ANK2: variants seen among roughly 807,000 people sequenced by gnomAD.
ANK2 encodes ankyrin-2.
Under a neutral mutation model 360.5 loss-of-function variants are expected in ANK2, and 83 were observed. That is an observed-to-expected ratio of 0.23 (90% confidence interval 0.19 to 0.28). The LOEUF (loss-of-function observed/expected upper bound fraction) is 0.28. Ranked by LOEUF, ANK2 falls within the 10% of genes least tolerant of loss-of-function variation. The probability of loss-of-function intolerance (pLI) is 1.00; values close to 1 mark genes in which losing one functional copy is unlikely to be tolerated. For missense variants in ANK2, 4,201 were observed against 4,795.7 expected (o/e 0.88, Z 3.66); for synonymous variants, 1,740 against 1,759.5 (o/e 0.99, Z 0.28).
chr4:112,990,928 C>T (rs1346676525), intron 2 of ANK2, among the ~76,000 whole-genome samples: 3 of 152,106 alleles, frequency 2.0e-5, no homozygotes, highest in Non-Finnish European at 2.9e-5. Context: ...TCTTAAATTA[C>T]AACCAAATTC....
chr4:112,724,064 C>CTTTTTTT, the ANK2 span, among the ~76,000 whole-genome samples: 3 of 135,144 alleles, frequency 2.2e-5, no homozygotes, highest in Admixed American at 1.5e-4. Flanking sequence ...CAGGAAAAAT[C>CTTTTTTT]TTTTTTTTTT....
At chr4:113,116,245 T>C (rs1443033344) in intron 1 of ANK2, among the ~76,000 whole-genome samples, 2 of 152,224 alleles carry the variant, frequency 1.3e-5, no homozygotes, top group Non-Finnish European at 2.9e-5. Context: ...TAATTAATAA[T>C]GAGTACCTAT....
intron 30 of ANK2, 84 bp downstream of exon 30, chr4:113,336,141 T>G: frequency 7.2e-7 from 1 of 1,395,706 alleles, no homozygotes; most frequent in Admixed American, 1.9e-5. Flanking sequence ...CTGTTACCTT[T>G]GTTTTATAAT....
At chr4:113,020,908 G>C (rs2057906611) in intron 2 of ANK2, among the ~76,000 whole-genome samples, 1 of 152,048 alleles carries the variant, frequency 6.6e-6, no homozygotes, top group Non-Finnish European at 1.5e-5. Flanking sequence ...AGTCCATTTA[G>C]AGGATAAGGA....
At chr4:113,176,040 AG>A (rs1350331239) in intron 2 of ANK2, among the ~76,000 whole-genome samples, 2 of 152,230 alleles carry the variant, frequency 1.3e-5, no homozygotes, top group Admixed American at 1.3e-4. Context: ...TTGAGGGATT[AG>A]GCGATATCTC....
chr4:113,003,181 A>G (rs1200833721), intron 2 of ANK2, among the ~76,000 whole-genome samples: 1 of 152,236 alleles, frequency 6.6e-6, no homozygotes, highest in East Asian at 1.9e-4. Context: ...AGAAAAAGTA[A>G]GATCCATGAG....
At chr4:112,741,850 A>G in the ANK2 span, among the ~76,000 whole-genome samples, 3 of 152,126 alleles carry the variant, frequency 2.0e-5, no homozygotes, top group Non-Finnish European at 4.4e-5. Flanking sequence ...AACAAGCACA[A>G]TAAAATTGGC....
At chr4:112,998,329 A>C (rs941522878) in intron 2 of ANK2, among the ~76,000 whole-genome samples, 1 of 152,118 alleles carries the variant, frequency 6.6e-6, no homozygotes, top group Non-Finnish European at 1.5e-5. Flanking sequence ...ATTTGTGCCC[A>C]AAATGAGTGA....
intron 1 of ANK2, among the ~76,000 whole-genome samples, chr4:112,852,623 A>G (rs1279060519): frequency 2.0e-5 from 3 of 152,262 alleles, no homozygotes; most frequent in South Asian, 2.1e-4. Flanking sequence ...CTTAAAAAAC[A>G]ACAAACATTT....
chr4:113,071,514 C>T (rs1166897116), intron 1 of ANK2, among the ~76,000 whole-genome samples: 2 of 152,200 alleles, frequency 1.3e-5, no homozygotes, highest in South Asian at 2.1e-4. Context: ...CGAGACTCAA[C>T]TCAAATCCAC....
At chr4:112,963,696 C>T (rs775434589) in intron 2 of ANK2, among the ~76,000 whole-genome samples, 1 of 151,862 alleles carries the variant, frequency 6.6e-6, no homozygotes, top group Non-Finnish European at 1.5e-5. Flanking sequence ...ATAGTTCCTT[C>T]AGGGAAAAAT....
chr4:112,936,792 G>A (rs78600874), intron 2 of ANK2, among the ~76,000 whole-genome samples: 1 of 150,664 alleles, frequency 6.6e-6, no homozygotes, highest in East Asian at 2.0e-4. Context: ...TTTTTTTTTT[G>A]TTTGTTTGTT....
intron 2 of ANK2, among the ~76,000 whole-genome samples, chr4:113,000,180 A>G (rs1339579142): frequency 2.0e-5 from 3 of 152,220 alleles, no homozygotes; most frequent in African/African-American, 7.2e-5. Context: ...ACTGTGAAAT[A>G]TATGAGTGAA....
chr4:113,373,327 A>C lies in ANK2; in HGVS notation c.11737A>C (p.Thr3913Pro), dbSNP rs771262245. 6.2e-7 allele frequency: 1 copy of C among 1,614,160 alleles called. No individual in the cohort carries two copies. Among genetic ancestry groups the C allele is most frequent in the Non-Finnish European group, 8.5e-7 (1 of 1,179,974 alleles). ...TAGGCGGTATGTATCCTCTGAAGGCACAGAGAAAGAAGAGATTATGGTGCA... is the reference window on the plus strand; with the variant it reads ...TAGGCGGTATGTATCCTCTGAAGGCCCAGAGAAAGAAGAGATTATGGTGCA... ...IIRRYVSSEG[T>P]EKEEIMVQGM... is the part of the protein sequence containing the mutation. The change falls in exon 45 of 46, where the codon ACA (threonine) becomes CCA (proline). Residue 3913 changes from threonine to proline, a missense_variant. Around this residue, in one of 4 missense-constraint regions of ANK2, gnomAD observed 2,642 missense variants for 2,714.5 expected, o/e 0.97. Transcript: ENST00000357077.
intron 2 of ANK2, among the ~76,000 whole-genome samples, chr4:112,963,068 TG>T (rs1355826542): frequency 1.3e-5 from 2 of 152,174 alleles, no homozygotes; most frequent in African/African-American, 2.4e-5. Context: ...TTTAAATAGA[TG>T]GTGACATGTT....
At chr4:113,326,921 T>C (rs1349962710) in intron 26 of ANK2, among the ~76,000 whole-genome samples, 1 of 152,158 alleles carries the variant, frequency 6.6e-6, no homozygotes, top group African/African-American at 2.4e-5. Context: ...GGAGGATCAC[T>C]TGAGCCCCGA....
intron 11 of ANK2, among the ~76,000 whole-genome samples, chr4:113,256,242 G>A (rs2049256361): frequency 6.6e-6 from 1 of 152,164 alleles, no homozygotes; most frequent in African/African-American, 2.4e-5. Context: ...TGAAAAATAG[G>A]AAATTACAAA....
chr4:112,714,686 A>G, the ANK2 span, among the ~76,000 whole-genome samples: 3 of 152,254 alleles, frequency 2.0e-5, no homozygotes, highest in African/African-American at 4.8e-5. Flanking sequence ...GGCTTTAAAA[A>G]AACAATTTCT....
At chr4:112,872,964 G>A (rs781276420) in intron 1 of ANK2, among the ~76,000 whole-genome samples, 2 of 151,848 alleles carry the variant, frequency 1.3e-5, no homozygotes, top group Non-Finnish European at 2.9e-5. Context: ...ATCTTTCTAG[G>A]AATTTTTCTA....
Sources: allele counts gnomAD v4.1 joint callset (sites outside exome capture counted in the v4.1 genomes callset), GRCh38; gene constraint gnomAD v4.1.1; regional missense constraint gnomAD v4.1.1; transcripts MANE v1.5; gene names NCBI Gene and HGNC (gene_info 2026-07-23, HGNC 2026-07-21).